Variants in NELL2 observed in about 807,000 individuals in gnomAD.
The protein encoded by NELL2 is protein kinase C-binding protein NELL2.
NELL2 carries 41 observed loss-of-function variants against 109.6 expected under a neutral mutation model. The ratio of observed to expected loss-of-function variants is 0.37; its 90% CI spans 0.29 to 0.49. NELL2 has a LOEUF of 0.49. Ranked by LOEUF, NELL2 falls within the 20% of genes least tolerant of loss-of-function variation. The probability of loss-of-function intolerance (pLI) is 0.98; values close to 1 mark genes in which losing one functional copy is unlikely to be tolerated. For synonymous variants in NELL2, 355 were observed against 344.7 expected (o/e 1.03, Z -0.33); for missense variants, 900 against 1,008.3 (o/e 0.89, Z 1.45).
intron 3 of NELL2, among the ~76,000 whole-genome samples, chr12:44,812,579 G>T (rs1454470899): frequency 6.6e-6 from 1 of 152,004 alleles, no homozygotes; most frequent in Non-Finnish European, 1.5e-5. Flanking sequence ...AAAGAAAGCA[G>T]AAAATAATGA....
chr12:44,728,724 A>C (rs1939208476), intron 9 of NELL2, among the ~76,000 whole-genome samples: 2 of 152,158 alleles, frequency 1.3e-5, no homozygotes, highest in Non-Finnish European at 2.9e-5. Context: ...GCATTTCAAA[A>C]GAAGCAAAAG....
chr12:44,543,017 T>A (rs1383132519), intron 15 of NELL2, among the ~76,000 whole-genome samples: 1 of 152,162 alleles, frequency 6.6e-6, no homozygotes, highest in African/African-American at 2.4e-5. Context: ...TTCCTGTTGT[T>A]TTAAGCTACC....
intron 9 of NELL2, among the ~76,000 whole-genome samples, chr12:44,759,104 T>TA (rs1404853867): frequency 6.6e-6 from 1 of 152,218 alleles, no homozygotes; most frequent in Non-Finnish European, 1.5e-5. Flanking sequence ...CCTATCTTGT[T>TA]ACTCTTGGGT....
chr12:44,683,262 T>C (rs955062413), intron 12 of NELL2, among the ~76,000 whole-genome samples: 11 of 152,228 alleles, frequency 7.2e-5, no homozygotes, highest in Non-Finnish European at 8.8e-5. Context: ...TTTTTGCACA[T>C]TGATTTTGTA....
intron 11 of NELL2, 74 bp from the exon 12 acceptor site, chr12:44,703,928 C>A (rs1236151456): frequency 7.4e-7 from 1 of 1,351,608 alleles, no homozygotes; most frequent in African/African-American, 1.5e-5. Flanking sequence ...TTAATATTTT[C>A]TTTAATTTTG....
intron 1 of NELL2, among the ~76,000 whole-genome samples, chr12:44,888,847 A>AT (rs202233997): frequency 0.011 from 1,594 of 151,644 alleles, 31 homozygotes; most frequent in East Asian, 0.048. Context: ...AAATAAAAAA[A>AT]AAATAAATAA....
chr12:44,864,572 T>G (rs936832297), intron 2 of NELL2, among the ~76,000 whole-genome samples: 36 of 152,110 alleles, frequency 2.4e-4, no homozygotes, highest in African/African-American at 7.2e-4. Flanking sequence ...AAGCAAATAT[T>G]AATATATCTA....
At chr12:44,826,516 T>C (rs928788344) in intron 2 of NELL2, among the ~76,000 whole-genome samples, 1 of 152,230 alleles carries the variant, frequency 6.6e-6, no homozygotes, top group African/African-American at 2.4e-5. Flanking sequence ...TTAAAAGCCA[T>C]TAAAATTTGA....
At chr12:44,675,329 C>G (rs1277442877) in intron 12 of NELL2, among the ~76,000 whole-genome samples, 1 of 152,112 alleles carries the variant, frequency 6.6e-6, no homozygotes, top group Non-Finnish European at 1.5e-5. Context: ...CAAAACTTTG[C>G]AATTCCAACA....
chr12:44,697,281 C>T (rs7131850), intron 12 of NELL2, among the ~76,000 whole-genome samples: 9,419 of 152,190 alleles, frequency 0.062, 894 homozygotes, highest in African/African-American at 0.2. Flanking sequence ...GGAGCCTGAC[C>T]GGGCAGCCCA....
intron 19 of NELL2, among the ~76,000 whole-genome samples, chr12:44,512,678 G>A (rs949298037): frequency 3.3e-5 from 5 of 152,052 alleles, no homozygotes; most frequent in Non-Finnish European, 1.5e-5. Flanking sequence ...CAACAACATG[G>A]ATGAGACTTG....
intron 12 of NELL2, among the ~76,000 whole-genome samples, chr12:44,699,063 T>A (rs1355141913): frequency 1.3e-5 from 2 of 152,054 alleles, no homozygotes; most frequent in East Asian, 3.9e-4. Context: ...CATCAAAAGA[T>A]CCCATAATTT....
intron 3 of NELL2, among the ~76,000 whole-genome samples, chr12:44,807,879 A>G (rs1363675899): frequency 6.6e-6 from 1 of 152,084 alleles, no homozygotes; most frequent in Non-Finnish European, 1.5e-5. Flanking sequence ...CCTTAATGAC[A>G]GTTGCTTACA....
chr12:44,680,610 C>T (rs1304137927), intron 12 of NELL2, among the ~76,000 whole-genome samples: 1 of 152,048 alleles, frequency 6.6e-6, no homozygotes, highest in African/African-American at 2.4e-5. Context: ...TAATGCCCGC[C>T]TCTTCACCAA....
At chr12:44,566,566 C>CACACACACACACACAGAGAGAG (rs377368706) in intron 15 of NELL2, among the ~76,000 whole-genome samples, 17 of 138,420 alleles carry the variant, frequency 1.2e-4, no homozygotes, top group African/African-American at 3.9e-4. Context: ...CACACACACA[C>CACACACACACACACAGAGAGAG]AGAGTTTTAT....
chr12:44,898,370 G>T (rs1945619695), intron 1 of NELL2, among the ~76,000 whole-genome samples: 1 of 152,142 alleles, frequency 6.6e-6, no homozygotes, highest in South Asian at 2.1e-4. Context: ...GCTGGCATCT[G>T]GTGAGTGACT....
chr12:44,875,717 A>G (rs971293817), intron 1 of NELL2, 98 bp downstream of exon 1: 1 of 1,607,380 alleles, frequency 6.2e-7, no homozygotes, highest in Non-Finnish European at 8.5e-7. Flanking sequence ...CTCCAGACCT[A>G]CTTTGGGTCC....
At chr12:44,791,546 T>C (rs542511954) in intron 3 of NELL2, among the ~76,000 whole-genome samples, 2 of 151,774 alleles carry the variant, frequency 1.3e-5, no homozygotes, top group Admixed American at 1.3e-4. Flanking sequence ...ACCACAGTAG[T>C]AGTGGTAGAT....
rs71435995 is a variant in NELL2 at position 44,909,742 on chromosome 12, G to GACACACAC, written c.38+4049_38+4056dup. 6.4e-3 allele frequency among the ~76,000 whole-genome samples: 928 copies of GACACACAC among 144,520 alleles called. 14 individuals are homozygous for GACACACAC. Among genetic ancestry groups the GACACACAC allele is most frequent in the African/African-American group, 0.02 (802 of 39,668 alleles). The allele number at this position is 144,520 out of a possible 152,430, so 94.8% of individuals were successfully genotyped here. Reference sequence around the variant, plus strand: ...ATGGTTTTGGTGACACACAGACACAGACACACACACACACACACACACACA... The same window carrying GACACACAC: ...ATGGTTTTGGTGACACACAGACACAGACACACACACACACACACACACACACACACACA... On this transcript the variant is annotated intron_variant, in intron 1 of 20. Coordinates refer to the NELL2 transcript ENST00000333837.
Sources: allele counts gnomAD v4.1 joint callset (sites outside exome capture counted in the v4.1 genomes callset), GRCh38; gene constraint gnomAD v4.1.1; transcripts MANE v1.5; gene names NCBI Gene and HGNC (gene_info 2026-07-23, HGNC 2026-07-21).